Variants in RABGAP1L observed in about 807,000 individuals in gnomAD.
The protein encoded by RABGAP1L is rab GTPase-activating protein 1-like.
Under a neutral mutation model 137.7 loss-of-function variants are expected in RABGAP1L, and 63 were observed. That is an observed-to-expected ratio of 0.46 (90% CI 0.37 to 0.56). RABGAP1L has a LOEUF of 0.56. Among genes scored for constraint, RABGAP1L ranks in the 20% least tolerant of loss-of-function variants. The probability of loss-of-function intolerance (pLI) is 0.00; values close to 1 mark genes in which losing one functional copy is unlikely to be tolerated. For missense variants in RABGAP1L, 1,095 were observed against 1,244.0 expected, an observed-to-expected ratio of 0.88 and a Z score of 1.80; for synonymous variants, 431 against 433.7, an observed-to-expected ratio of 0.99 and a Z score of 0.08.
At chr1:174,173,371 C>T (rs1451555619) in intron 1 of RABGAP1L, among the ~76,000 whole-genome samples, 1 of 152,004 alleles carries the variant, frequency 6.6e-6, no homozygotes, top group Non-Finnish European at 1.5e-5. Flanking sequence ...CTCAGGTAAT[C>T]TGCCCACCTC....
chr1:174,305,908 C>T (rs1678190729), intron 11 of RABGAP1L, among the ~76,000 whole-genome samples: 2 of 152,212 alleles, frequency 1.3e-5, no homozygotes, highest in African/African-American at 2.4e-5. Flanking sequence ...AATGCTATCC[C>T]TCCCCCCTCC....
At chr1:174,364,955 G>A (rs769349137) in intron 11 of RABGAP1L, among the ~76,000 whole-genome samples, 2 of 152,168 alleles carry the variant, frequency 1.3e-5, no homozygotes, top group African/African-American at 2.4e-5. Context: ...GAGGCCTCAC[G>A]ACTCTGCCCA....
At chr1:174,859,157 A>G (rs1649807446) in intron 19 of RABGAP1L, among the ~76,000 whole-genome samples, 1 of 152,202 alleles carries the variant, frequency 6.6e-6, no homozygotes, top group Non-Finnish European at 1.5e-5. Flanking sequence ...CATGGAATCA[A>G]CTTAAATGCC....
chr1:174,656,993 A>G (rs932951576), intron 14 of RABGAP1L, among the ~76,000 whole-genome samples: 1 of 152,148 alleles, frequency 6.6e-6, no homozygotes, highest in Non-Finnish European at 1.5e-5. Context: ...TTCCTAATGC[A>G]CAAAGCCTTG....
At chr1:174,781,532 T>TGGTGG (rs1687008880) in intron 18 of RABGAP1L, among the ~76,000 whole-genome samples, 1 of 152,190 alleles carries the variant, frequency 6.6e-6, no homozygotes, top group Non-Finnish European at 1.5e-5. Context: ...TTCACTCTGA[T>TGGTGG]GGTGGTTTCT....
At chr1:174,756,823 T>C in intron 18 of RABGAP1L, 4 of 563,910 alleles carry the variant, frequency 7.1e-6, no homozygotes, top group Non-Finnish European at 1.4e-5. Flanking sequence ...GGATGAGGGC[T>C]GGGGATTGAG....
At chr1:174,646,231 C>T (rs1206200393) in intron 14 of RABGAP1L, among the ~76,000 whole-genome samples, 1 of 152,126 alleles carries the variant, frequency 6.6e-6, no homozygotes, top group Admixed American at 6.5e-5. Context: ...TCCCATTCAT[C>T]AATTTTAGCT....
chr1:174,313,546 A>G (rs1429041577), intron 11 of RABGAP1L, among the ~76,000 whole-genome samples: 2 of 152,160 alleles, frequency 1.3e-5, no homozygotes, highest in African/African-American at 4.8e-5. Context: ...TTCTGGTGCT[A>G]TATTGAATAA....
chr1:174,416,611 T>G (rs1650620724), intron 13 of RABGAP1L, among the ~76,000 whole-genome samples: 2 of 152,142 alleles, frequency 1.3e-5, no homozygotes, highest in South Asian at 4.1e-4. Flanking sequence ...ATAATCCTAG[T>G]AGACAGCATT....
intron 13 of RABGAP1L, among the ~76,000 whole-genome samples, chr1:174,498,664 AT>A (rs371906339): frequency 5.1e-3 from 677 of 133,428 alleles, no homozygotes; most frequent in African/African-American, 8.8e-3. Context: ...GCCCGGCTAA[AT>A]TTTTTTTTTT....
At chr1:174,320,385 T>G (rs1221435484) in intron 11 of RABGAP1L, among the ~76,000 whole-genome samples, 2 of 152,204 alleles carry the variant, frequency 1.3e-5, no homozygotes, top group African/African-American at 4.8e-5. Context: ...GCATAATGCC[T>G]TTTAGATTTA....
intron 13 of RABGAP1L, among the ~76,000 whole-genome samples, chr1:174,597,575 TTTTA>T (rs1005826351): frequency 3.3e-5 from 5 of 152,228 alleles, no homozygotes; most frequent in Admixed American, 6.5e-5. Context: ...TAATCTCTGA[TTTTA>T]TTTATTTGTC....
At chr1:174,887,810 TG>T (rs1271406228) in intron 19 of RABGAP1L, among the ~76,000 whole-genome samples, 1 of 152,142 alleles carries the variant, frequency 6.6e-6, no homozygotes, top group Non-Finnish European at 1.5e-5. Flanking sequence ...TGAGGTGGGC[TG>T]ATCACTTGAA....
Position 174,470,565 on chromosome 1 carries a change from G to A in RABGAP1L, c.1710+76420G>A, listed in dbSNP as rs185603488. Among the ~76,000 whole-genome samples, 107 of 152,146 alleles carry A rather than the reference G, an allele frequency of 7.0e-4. 1 individual carries two copies. The highest frequency in any genetic ancestry group is 2.4e-3 in the African/African-American group (99 of 41,504). ...GTGGATCACCTGAGGTCAGGAGTTC[G>A]AGACCAGCCTGGCCAACATGGTGAA... On this transcript the variant is annotated intron_variant, in intron 13 of 25. Coordinates refer to ENST00000681986, the MANE Select transcript of RABGAP1L (RefSeq NM_001366446.1).
intron 18 of RABGAP1L, among the ~76,000 whole-genome samples, chr1:174,765,587 C>T (rs1685601588): frequency 6.6e-6 from 1 of 151,844 alleles, no homozygotes; most frequent in African/African-American, 2.4e-5. Context: ...TGTGTGCCAC[C>T]ATGTCCAGCA....
At chr1:174,321,448 A>G (rs58657641) in intron 11 of RABGAP1L, among the ~76,000 whole-genome samples, 11,122 of 152,094 alleles carry the variant, frequency 0.073, 606 homozygotes, top group East Asian at 0.32. Flanking sequence ...GGGGGGCATC[A>G]TGGAAACTGC....
At chr1:174,449,054 G>GT in intron 13 of RABGAP1L, 1 of 1,614,062 alleles carries the variant, frequency 6.2e-7, no homozygotes, top group Non-Finnish European at 8.5e-7. Flanking sequence ...TTGTAACTGT[G>GT]TAATATACAG....
At chr1:174,476,182 A>G (rs1013908104) in intron 13 of RABGAP1L, among the ~76,000 whole-genome samples, 30 of 152,158 alleles carry the variant, frequency 2.0e-4, no homozygotes, top group African/African-American at 5.8e-4. Flanking sequence ...ACCTATGACA[A>G]TTTTCTAACC....
At chr1:174,989,216 G>A (rs976815462) in intron 25 of RABGAP1L, among the ~76,000 whole-genome samples, 2 of 152,182 alleles carry the variant, frequency 1.3e-5, no homozygotes, top group South Asian at 4.1e-4. Context: ...CACATTGGCT[G>A]ACACCCGTTC....
Sources: allele counts gnomAD v4.1 joint callset (sites outside exome capture counted in the v4.1 genomes callset), GRCh38; gene constraint gnomAD v4.1.1; transcripts MANE v1.5; gene names NCBI Gene and HGNC (gene_info 2026-07-23, HGNC 2026-07-21).